MRPL43: variants seen among roughly 807,000 people sequenced by gnomAD.
MRPL43 encodes mitochondrial ribosomal protein L43, also known as large ribosomal subunit protein mL43.
A neutral mutation model predicts 12.7 loss-of-function variants in MRPL43; 9 were observed. That is an observed-to-expected ratio of 0.71 (90% confidence interval 0.43 to 1.24). The LOEUF (loss-of-function observed/expected upper bound fraction) is 1.24, where lower values mean the gene tolerates loss of function less well. Among genes scored for constraint, MRPL43 ranks in the 50% most tolerant of loss-of-function variants. MRPL43 has a pLI of 0.00. For missense variants in MRPL43, 211 were observed against 229.2 expected, an observed-to-expected ratio of 0.92 and a Z score of 0.51; for synonymous variants, 116 against 96.4, an observed-to-expected ratio of 1.20 and a Z score of -1.19.
At chr10:100,978,567 C>CATT (rs760677059), downstream of MRPL43, 56 of 1,614,052 alleles carry the variant, frequency 3.5e-5, no homozygotes, top group Admixed American at 9.3e-4. Flanking sequence ...AATTCCGGAG[C>CATT]ATTCCTGACA....
At chr10:100,980,946 C>A (rs756576170), downstream of MRPL43, 168 of 1,609,272 alleles carry the variant, frequency 1.0e-4, no homozygotes, top group Non-Finnish European at 1.4e-4. Flanking sequence ...GACCCTGGCA[C>A]CCATGCCTGC....
At chr10:100,980,956 C>T (rs780011724), downstream of MRPL43, 173 of 1,606,596 alleles carry the variant, frequency 1.1e-4, no homozygotes, top group South Asian at 6.2e-4. Flanking sequence ...CCCATGCCTG[C>T]GCAGCAGCCA....
chr10:100,984,942 ACAC>A (rs1564801730), downstream of MRPL43: 1 of 1,354,352 alleles, frequency 7.4e-7, no homozygotes, highest in Non-Finnish European at 9.8e-7. Context: ...GTGGTAACAC[ACAC>A]CTGTATCACA....
downstream of MRPL43, chr10:100,978,843 C>T: frequency 6.2e-7 from 1 of 1,612,794 alleles, no homozygotes. Flanking sequence ...ACTGCCTGAC[C>T]CACAGATGCG....
At chr10:100,983,168 C>T (rs939352891), downstream of MRPL43, 7 of 1,095,182 alleles carry the variant, frequency 6.4e-6, no homozygotes, top group African/African-American at 3.2e-5. Flanking sequence ...AGCATGAGCA[C>T]AGAGCCTGGG....
At chr10:100,977,984 C>G (rs924847728), downstream of MRPL43, 1 of 572,902 alleles carries the variant, frequency 1.7e-6, no homozygotes, top group Admixed American at 3.1e-5. Flanking sequence ...CTTCATTTAA[C>G]CCAAAACAAA....
downstream of MRPL43, chr10:100,979,812 T>C (rs1236954100): frequency 5.0e-6 from 8 of 1,609,216 alleles, no homozygotes; most frequent in Admixed American, 3.3e-5. Flanking sequence ...CTTGACTCCA[T>C]GTAACTCACC....
chr10:100,987,121 C>T lies in MRPL43; in HGVS notation c.207G>A (p.Pro69=), dbSNP rs756153343. ...CGGCCACTACTCTGGGCACGCAGCA[C>T]GGACGCGAGTTTACATATATTACGA... ...PGVVIYVNSR[P]CCVPRVVAEY... is the part of the protein sequence containing the mutation. The change falls in exon 2 of 3, where the codon CCG becomes CCA. Residue 69 remains proline (P), a synonymous_variant. Transcript: ENST00000318364. 1.2e-6 allele frequency: 2 copies of T among 1,613,814 alleles called. No homozygotes were observed. The highest frequency in any genetic ancestry group is 8.5e-7 in the Non-Finnish European group (1 of 1,180,034).
At chr10:100,980,579 T>C (rs750865022), downstream of MRPL43, 1 of 1,612,948 alleles carries the variant, frequency 6.2e-7, no homozygotes, top group Admixed American at 1.7e-5. Flanking sequence ...CCATACCAGC[T>C]GATGGCTGGA....
chr10:100,987,418 C>A lies in MRPL43; in HGVS notation c.26G>T (p.Arg9Leu). 1 of 1,612,370 alleles carries A rather than the reference C, an allele frequency of 6.2e-7. No homozygotes were observed. Among genetic ancestry groups the A allele is most frequent in the Non-Finnish European group, 8.5e-7 (1 of 1,179,866 alleles). The change falls in exon 1 of 3, where the codon CGC (arginine) becomes CTC (leucine). Residue 9 changes from arginine (R) to leucine (L), a missense_variant. Physicochemically the swap from Arg to Leu is moderately radical, Grantham distance 102. Transcript: ENST00000318364. ...GTTGTGGAGAACGCTGGCCAAGAAG[C>A]GGCTCGGAGTCCCGCGCGCCGTCAT... MTARGTPSRFLASVLHNGL... is the reference protein window; with the variant it reads MTARGTPSLFLASVLHNGL...
downstream of MRPL43, chr10:100,984,352 T>C (rs1851313372): frequency 1.8e-5 from 26 of 1,443,820 alleles, no homozygotes; most frequent in Non-Finnish European, 2.3e-5. Context: ...TCGGTGCTCC[T>C]CAGAGGTAGG....
chr10:100,987,152 G>A lies in MRPL43; in HGVS notation c.176C>T (p.Pro59Leu). 6.2e-7 allele frequency: 1 copy of A among 1,613,918 alleles called. No homozygotes were observed. Among genetic ancestry groups the A allele is most frequent in the East Asian group, 2.2e-5 (1 of 44,882 alleles). ...REVIDFARRNPGVVIYVNSRP... is the reference protein window; with the variant it reads ...REVIDFARRNLGVVIYVNSRP... ...CGAGTTTACATATATTACGACCCCT[G>A]GATTCCGTCGGGCGAAGTCGATCAC... The change falls in exon 2 of 3, where the codon CCA becomes CTA. Residue 59 changes from proline (P) to leucine (L), a missense_variant. By Grantham distance (98) the Pro-to-Leu change is moderately conservative. Coordinates refer to ENST00000318364, the MANE Select transcript of MRPL43 (RefSeq NM_032112.3).
At chr10:100,980,556 C>T (rs1851017478), downstream of MRPL43, 1 of 1,599,952 alleles carries the variant, frequency 6.3e-7, no homozygotes, top group Non-Finnish European at 8.6e-7. Flanking sequence ...TGGGGTCTAA[C>T]TCTCTGCTCT....
At chr10:100,978,483 T>C, downstream of MRPL43, 1 of 1,596,060 alleles carries the variant, frequency 6.3e-7, no homozygotes. Flanking sequence ...ATGTGCCCTG[T>C]TGAATATGAC....
downstream of MRPL43, chr10:100,979,213 G>A: frequency 6.2e-7 from 1 of 1,614,178 alleles, no homozygotes; most frequent in Middle Eastern, 1.6e-4. Flanking sequence ...CTGCAGCCTG[G>A]ATGCTGAAAC....
downstream of MRPL43, chr10:100,981,217 A>T (rs756467836): frequency 6.2e-7 from 1 of 1,614,230 alleles, no homozygotes; most frequent in Non-Finnish European, 8.5e-7. Flanking sequence ...CTGTGAGAGC[A>T]GCAGGGATAC....
downstream of MRPL43, among the ~76,000 whole-genome samples, chr10:100,982,310 C>T (rs1436020883): frequency 2.6e-5 from 4 of 151,972 alleles, no homozygotes; most frequent in African/African-American, 9.7e-5. Flanking sequence ...GGTCTTTATC[C>T]GAAAAGCAAT....
At chr10:100,979,891 G>C, downstream of MRPL43, 1 of 1,614,084 alleles carries the variant, frequency 6.2e-7, no homozygotes, top group African/African-American at 1.3e-5. Flanking sequence ...TGACCTGGCA[G>C]AGATCCAGGC....
chr10:100,985,830 G>A (rs1851429464), downstream of MRPL43: 2 of 152,294 alleles, frequency 1.3e-5, no homozygotes, highest in African/African-American at 4.8e-5. Context: ...CATTGATCAT[G>A]GTGTTAGGGC....
Sources: allele counts gnomAD v4.1 joint callset (sites outside exome capture counted in the v4.1 genomes callset), GRCh38; gene constraint gnomAD v4.1.1; transcripts MANE v1.5; gene names NCBI Gene and HGNC (gene_info 2026-07-23, HGNC 2026-07-21).